The following CLASP2 variants were observed in gnomAD, a reference collection of about 807,000 sequenced individuals.
The protein encoded by CLASP2 is CLIP-associating protein 2.
Under a neutral mutation model 194.4 loss-of-function variants are expected in CLASP2, and 47 were observed. That is an observed-to-expected ratio of 0.24 (90% CI 0.19 to 0.31). CLASP2 has a LOEUF of 0.31. Among genes scored for constraint, CLASP2 ranks in the 10% least tolerant of loss-of-function variants. CLASP2 has a pLI of 1.00. For synonymous variants in CLASP2, 619 were observed against 633.5 expected (o/e 0.98, Z 0.34); for missense variants, 1,445 against 1,823.6 (o/e 0.79, Z 3.78).
chr3:33,629,230 CT>C (rs1472895747), intron 9 of CLASP2, among the ~76,000 whole-genome samples: 1 of 152,048 alleles, frequency 6.6e-6, no homozygotes, highest in African/African-American at 2.4e-5. Flanking sequence ...TCCAGTGAGA[CT>C]TTTGTTTTTT....
chr3:33,623,542 C>T (rs1346595357), intron 10 of CLASP2, among the ~76,000 whole-genome samples: 2 of 151,998 alleles, frequency 1.3e-5, no homozygotes, highest in Non-Finnish European at 2.9e-5. Context: ...CTTCCTGTGA[C>T]TGGCTTATTT....
chr3:33,616,625 T>C (rs1486028239), intron 12 of CLASP2, among the ~76,000 whole-genome samples: 1 of 151,460 alleles, frequency 6.6e-6, no homozygotes, highest in Admixed American at 6.6e-5. Context: ...CATAATCTAA[T>C]ATACTATATC....
chr3:33,537,575 A>C (rs1366917281), intron 33 of CLASP2, among the ~76,000 whole-genome samples: 1 of 152,232 alleles, frequency 6.6e-6, no homozygotes, highest in Admixed American at 6.5e-5. Context: ...TAATGGCAGA[A>C]GCAATAAACA....
rs1336965746 is a variant in CLASP2 at position 33,602,911 on chromosome 3, G to C, written c.1924+41C>G. ...ATGAACTTGTCTTCACAGAGATCAG[G>C]GAGAGAACATGGTACAATTTTCCAT... On this transcript the variant is annotated intron_variant, in intron 18 of 38. Transcript: ENST00000682230. 14 of 1,555,748 alleles carry C rather than the reference G, an allele frequency of 9.0e-6. No homozygotes were observed. The South Asian group carries it at 1.6e-4, about 18-fold the overall frequency.
At chr3:33,690,055 GTT>G in intron 2 of CLASP2, 123 bp from the exon 3 acceptor site, 1 of 572,846 alleles carries the variant, frequency 1.7e-6, no homozygotes. Flanking sequence ...TAAAGAAATT[GTT>G]TTAAGTTCTT....
chr3:33,689,591 T>C, intron 3 of CLASP2: 1 of 362,934 alleles, frequency 2.8e-6, no homozygotes, highest in Non-Finnish European at 4.9e-6. Context: ...ATCCGTATAC[T>C]GTCAAATCAC....
At chr3:33,713,012 C>CAGAAAAAAAAAAAAA (rs1559717375) in intron 1 of CLASP2, among the ~76,000 whole-genome samples, 5 of 46,990 alleles carry the variant, frequency 1.1e-4, no homozygotes, top group Non-Finnish European at 1.7e-4. Flanking sequence ...AACTCCACCT[C>CAGAAAAAAAAAAAAA]AAAAAAAAAA....
chr3:33,634,397 G>A (rs2079706388), intron 8 of CLASP2, among the ~76,000 whole-genome samples: 1 of 152,108 alleles, frequency 6.6e-6, no homozygotes, highest in Non-Finnish European at 1.5e-5. Context: ...AGGCGTCAAG[G>A]GCTATATGGT....
chr3:33,513,596 TAAA>T (rs1052536447), intron 36 of CLASP2, among the ~76,000 whole-genome samples: 4 of 152,194 alleles, frequency 2.6e-5, no homozygotes, highest in African/African-American at 9.7e-5. Context: ...TTCACTCTTC[TAAA>T]AGAGTCACAG....
chr3:33,536,723 G>C (rs2057408240), intron 33 of CLASP2, among the ~76,000 whole-genome samples: 1 of 152,180 alleles, frequency 6.6e-6, no homozygotes, highest in Admixed American at 6.5e-5. Context: ...CCAGGTGAGA[G>C]AAATGATGAA....
intron 27 of CLASP2, among the ~76,000 whole-genome samples, chr3:33,565,624 C>T (rs1046054093): frequency 6.6e-6 from 1 of 151,416 alleles, no homozygotes; most frequent in Non-Finnish European, 1.5e-5. Context: ...ACCAGCCTGA[C>T]TAACATTGAG....
intron 11 of CLASP2, 124 bp downstream of exon 11, chr3:33,622,011 A>G: frequency 1.5e-6 from 1 of 686,900 alleles, no homozygotes; most frequent in Non-Finnish European, 2.2e-6. Context: ...TATGTATAAT[A>G]AAAATGATTT....
At chr3:33,551,439 T>A in intron 29 of CLASP2, 44 bp from the exon 30 acceptor site, 1 of 1,579,094 alleles carries the variant, frequency 6.3e-7, no homozygotes, top group South Asian at 1.1e-5. Context: ...AGATGGTTAT[T>A]GTGAGACACT....
intron 33 of CLASP2, among the ~76,000 whole-genome samples, chr3:33,536,640 ATAGAG>A (rs1331834459): frequency 5.9e-5 from 9 of 152,186 alleles, no homozygotes; most frequent in Non-Finnish European, 1.0e-4. Context: ...GAGACCTCCT[ATAGAG>A]TTGAGTGAGA....
At chr3:33,654,032 CAAA>C (rs11456253) in intron 7 of CLASP2, among the ~76,000 whole-genome samples, 3 of 118,648 alleles carry the variant, frequency 2.5e-5, no homozygotes. Flanking sequence ...TCTGAACTGT[CAAA>C]AAAAAAAAAA....
At chr3:33,679,590 T>C (rs918993664) in intron 6 of CLASP2, among the ~76,000 whole-genome samples, 3 of 152,058 alleles carry the variant, frequency 2.0e-5, no homozygotes, top group Non-Finnish European at 2.9e-5. Context: ...TGAACAAACA[T>C]CTCACCAGAG....
At chr3:33,540,652 T>C (rs1458684238) in intron 32 of CLASP2, among the ~76,000 whole-genome samples, 1 of 152,216 alleles carries the variant, frequency 6.6e-6, no homozygotes, top group Non-Finnish European at 1.5e-5. Context: ...TAGGAAATGT[T>C]TGCAATATAT....
At chr3:33,505,165 C>T (rs893653308) in intron 37 of CLASP2, 1 of 152,018 alleles carries the variant, frequency 6.6e-6, no homozygotes, top group African/African-American at 2.4e-5. Flanking sequence ...CCACTTCAGC[C>T]TGATGGGAGG....
chr3:33,677,577 A>G, intron 6 of CLASP2, among the ~76,000 whole-genome samples: 1 of 116,486 alleles, frequency 8.6e-6, no homozygotes, highest in Non-Finnish European at 1.7e-5. Context: ...GGGGGGAGGG[A>G]TAGCATTGGG....
Sources: allele counts gnomAD v4.1 joint callset (sites outside exome capture counted in the v4.1 genomes callset), GRCh38; gene constraint gnomAD v4.1.1; transcripts MANE v1.5; gene names NCBI Gene and HGNC (gene_info 2026-07-23, HGNC 2026-07-21).